The following TFCP2L1 variants were observed in gnomAD, a reference collection of about 807,000 sequenced individuals.
TFCP2L1 encodes the protein transcription factor CP2 like 1.
Under a neutral mutation model 72.2 loss-of-function variants are expected in TFCP2L1, and 12 were observed. The ratio of observed to expected loss-of-function variants is 0.17; its 90% CI spans 0.11 to 0.27. The LOEUF is 0.27. TFCP2L1 is among the 10% of genes least tolerant of loss of function. TFCP2L1 has a pLI of 1.00. For synonymous variants in TFCP2L1, 260 were observed against 251.0 expected (o/e 1.04, Z -0.34); for missense variants, 488 against 624.6 (o/e 0.78, Z 2.33).
At chr2:121,263,991 G>T (rs747739115) in intron 2 of TFCP2L1, among the ~76,000 whole-genome samples, 1 of 152,196 alleles carries the variant, frequency 6.6e-6, no homozygotes, top group Non-Finnish European at 1.5e-5. Context: ...AAGTTAGTAG[G>T]ATAAAGGACA....
At chr2:121,268,969 G>A (rs995351597) in intron 2 of TFCP2L1, among the ~76,000 whole-genome samples, 2 of 151,344 alleles carry the variant, frequency 1.3e-5, no homozygotes, top group African/African-American at 2.4e-5. Flanking sequence ...GAGCCCTAAT[G>A]TATTCCTTAT....
intron 11 of TFCP2L1, 107 bp from the exon 12 acceptor site, chr2:121,234,301 A>T: frequency 9.5e-7 from 1 of 1,055,584 alleles, no homozygotes; most frequent in Non-Finnish European, 1.4e-6. Context: ...GGAGGAAGAA[A>T]GACAGCGGTG....
At chr2:121,274,094 CAAAA>C (rs569943932) in intron 2 of TFCP2L1, among the ~76,000 whole-genome samples, 1 of 60,802 alleles carries the variant, frequency 1.6e-5, no homozygotes. Context: ...ACTCTGTCTC[CAAAA>C]AAAAAAAAAA....
rs1343814513 is a variant in TFCP2L1 at position 121,249,759 on chromosome 2, TG to T, written c.215-113del. 2.8e-5 allele frequency: 30 copies of T among 1,081,206 alleles called. No individual in the cohort carries two copies. The Admixed American group carries it at 5.5e-4, about 20-fold the overall frequency. The allele number at this position is 1,081,206 out of a possible 1,614,324, so 67.0% of individuals were successfully genotyped here. On this transcript the variant is annotated intron_variant, in intron 2 of 14. Transcript: ENST00000263707. ...AGTGCCCATCCAGGCCTCAAGGCCC[TG>T]GGGAGCAAAGCAGAGAAGAAAACCC... is the stretch of plus-strand genomic sequence containing the variant.
At position 121,217,070 on chromosome 2, in the gene TFCP2L1, T is replaced by C. The variant is rs901200909; in HGVS notation, c.*7271A>G. On this transcript the variant is annotated 3_prime_UTR_variant, in exon 15 of 15. Coordinates refer to ENST00000263707, the MANE Select transcript of TFCP2L1 (RefSeq NM_014553.3). The stretch of plus-strand genomic sequence containing the variant: ...GAGCCAGCACTGTGACAAAAGAACT[T>C]GTCCCACCTATCTGAGAGCATGAGA... 1 of 152,222 alleles carries C rather than the reference T, an allele frequency of 6.6e-6. No individual in the cohort carries two copies. The highest frequency in any genetic ancestry group is 2.4e-5 in the African/African-American group (1 of 41,440). The allele number at this position is 152,222 out of a possible 1,614,324, so 9.4% of individuals were successfully genotyped here.
At chr2:121,234,000 CACTGGAA>C (rs1169708225) in intron 12 of TFCP2L1, 84 bp downstream of exon 12, 1 of 1,154,338 alleles carries the variant, frequency 8.7e-7, no homozygotes, top group East Asian at 2.3e-5. Flanking sequence ...CCTGCACATT[CACTGGAA>C]ATGAACAGAG....
At chr2:121,227,964 C>T (rs865776632) in intron 13 of TFCP2L1, among the ~76,000 whole-genome samples, 8 of 152,226 alleles carry the variant, frequency 5.3e-5, no homozygotes, top group Non-Finnish European at 1.0e-4. Context: ...CTTGGGCATG[C>T]GAAGCCCTAC....
intron 10 of TFCP2L1, among the ~76,000 whole-genome samples, chr2:121,236,150 T>A (rs1686244646): frequency 6.6e-6 from 1 of 152,148 alleles, no homozygotes. Context: ...ATACCCACTT[T>A]ATGTGGATGG....
At chr2:121,249,541 G>A (rs761734782) in intron 3 of TFCP2L1, 30 bp downstream of exon 3, 6 of 1,609,694 alleles carry the variant, frequency 3.7e-6, no homozygotes, top group South Asian at 3.3e-5. Context: ...CCCTCTCCCC[G>A]AGGCAATGAG....
rs1573350165 is a variant in TFCP2L1, at chr2:121,221,903, A to G, written c.*2438T>C. On this transcript the variant is annotated 3_prime_UTR_variant, in exon 15 of 15. Transcript: ENST00000263707. ...ATATACAAATAGCTCACCCAACTCA[A>G]TAATAAAAAGAAGGCTCATCCCTGG... 1 of 152,300 alleles carries G rather than the reference A, an allele frequency of 6.6e-6. No individual in the cohort carries two copies. Among genetic ancestry groups the G allele is most frequent in the African/African-American group, 2.4e-5 (1 of 41,584 alleles). 9.4% of individuals were successfully genotyped at this position (152,300 alleles called of 1,614,324 possible).
intron 6 of TFCP2L1, among the ~76,000 whole-genome samples, chr2:121,244,396 C>G (rs901604641): frequency 2.0e-5 from 3 of 152,212 alleles, no homozygotes; most frequent in Non-Finnish European, 4.4e-5. Flanking sequence ...GGCTTCTGCA[C>G]ATCAGCTGCA....
intron 2 of TFCP2L1, among the ~76,000 whole-genome samples, chr2:121,264,124 G>A (rs188524126): frequency 2.6e-3 from 402 of 152,256 alleles, no homozygotes; most frequent in South Asian, 5.0e-3. Context: ...CCCGTGTGCC[G>A]GGCTGAGAGT....
chr2:121,242,184 G>GC (rs1573369005), intron 7 of TFCP2L1, among the ~76,000 whole-genome samples, 175 bp downstream of exon 7: 1 of 151,486 alleles, frequency 6.6e-6, no homozygotes, highest in Non-Finnish European at 1.5e-5. Context: ...TACCTCCCGG[G>GC]CCACTGGGTC....
intron 2 of TFCP2L1, among the ~76,000 whole-genome samples, chr2:121,255,812 G>A (rs1686705865): frequency 6.6e-6 from 1 of 150,948 alleles, no homozygotes; most frequent in Non-Finnish European, 1.5e-5. Flanking sequence ...GCACGATCTC[G>A]GCTCACTGCA....
At chr2:121,257,920 A>T (rs1044913608) in intron 2 of TFCP2L1, among the ~76,000 whole-genome samples, 2 of 152,116 alleles carry the variant, frequency 1.3e-5, no homozygotes, top group Non-Finnish European at 2.9e-5. Context: ...GGACAACGGA[A>T]AGCTCTGAGA....
intron 7 of TFCP2L1, 105 bp from the exon 8 acceptor site, chr2:121,239,754 C>A (rs11692478): frequency 3.6e-6 from 4 of 1,121,790 alleles, no homozygotes; most frequent in South Asian, 1.6e-5. Flanking sequence ...ATGAGACCCC[C>A]ACCTGTGAAA....
rs1425831728 is a variant in TFCP2L1, at chr2:121,246,814, C to T, written c.657+4G>A. 1 of 1,614,106 alleles carries T rather than the reference C, an allele frequency of 6.2e-7. No homozygotes were observed. The highest frequency in any genetic ancestry group is 8.5e-7 in the Non-Finnish European group (1 of 1,179,962). On this transcript the variant is annotated splice_donor_region_variant and intron_variant, in intron 6 of 14. Transcript: ENST00000263707. ...GCACGGCAGAGCCTGCGAAGCCATC[C>T]TACCTTGAACACCTTGATCTGGCAG...
At chr2:121,225,240 A>C (rs1309415411) in intron 14 of TFCP2L1, among the ~76,000 whole-genome samples, 2 of 151,936 alleles carry the variant, frequency 1.3e-5, no homozygotes, top group Non-Finnish European at 2.9e-5. Context: ...CCCCATCCCG[A>C]CCCACGCTAC....
intron 5 of TFCP2L1, 30 bp downstream of exon 5, chr2:121,248,134 C>T: frequency 6.2e-7 from 1 of 1,602,794 alleles, no homozygotes; most frequent in Non-Finnish European, 8.5e-7. Context: ...ACTAGGTCTT[C>T]CCCTGGAGGG....
Sources: gnomAD v4.1 joint callset for allele counts (sites outside exome capture counted in the v4.1 genomes callset) on GRCh38, gnomAD v4.1.1 for gene constraint, MANE v1.5 for transcripts, NCBI Gene and HGNC (gene_info 2026-07-23, HGNC 2026-07-21) for gene names.